ANKMY1: variants seen among roughly 807,000 people sequenced by gnomAD.
The protein encoded by ANKMY1 is ankyrin repeat and MYND domain-containing protein 1.
In ANKMY1, 98 loss-of-function variants were observed where a neutral mutation model predicts 102.0. That is an observed-to-expected ratio of 0.96 (90% confidence interval 0.82 to 1.14). The LOEUF (loss-of-function observed/expected upper bound fraction) is 1.14. Ranked by LOEUF, ANKMY1 falls within the 50% of genes most tolerant of loss-of-function variation. The pLI is 0.00. For synonymous variants in ANKMY1, 582 were observed against 559.9 expected, an observed-to-expected ratio of 1.04 and a Z score of -0.56; for missense variants, 1,330 against 1,347.6, an observed-to-expected ratio of 0.99 and a Z score of 0.20.
Position 240,511,917 on chromosome 2 carries a change from C to T in ANKMY1, c.2230G>A (p.Glu744Lys). 1 of 1,582,866 alleles carries T rather than the reference C, an allele frequency of 6.3e-7. No individual in the cohort carries two copies. Residue 744 changes from glutamate to lysine, a missense_variant, in exon 11 of 18, where the codon GAG (glutamate) becomes AAG (lysine). Physicochemically the swap from Glu to Lys is moderately conservative, Grantham distance 56. Coordinates refer to ENST00000401804, the MANE Select transcript of ANKMY1 (RefSeq NM_001282771.3). ...AYYSTDTALP[E>K]EGGRTALHMA... ...TGCAGAGCCGTCCTGCCCCCCTCCT[C>T]CGGGAGGGCTGTGTCCGTGCTGTAG...
intron 13 of ANKMY1, among the ~76,000 whole-genome samples, chr2:240,502,065 C>T (rs1300652989): frequency 1.3e-5 from 2 of 152,154 alleles, no homozygotes; most frequent in Non-Finnish European, 2.9e-5. Context: ...GGTTGGTAAG[C>T]GAGGGCTGGG....
rs2152024519 is a variant in ANKMY1, at chr2:240,499,507, C to G, written c.2806+451G>C. On this transcript the variant is annotated intron_variant, in intron 15 of 17. Transcript: ENST00000401804. The surrounding 1 kb of genome is among the most constrained non-coding windows in gnomAD (Gnocchi z 4.2). Reference sequence around the variant, plus strand: ...ATGGGGGAGTAGATGTCAGTAGGTACTGCGTTTGTGGAGTGGGTGCATGTG... The same window carrying G: ...ATGGGGGAGTAGATGTCAGTAGGTAGTGCGTTTGTGGAGTGGGTGCATGTG... Among the ~76,000 whole-genome samples the G allele has an allele frequency of 6.6e-6, 1 of 151,872 alleles. No individual in the cohort carries two copies. Among genetic ancestry groups the G allele is most frequent in the Non-Finnish European group, 1.5e-5 (1 of 67,910 alleles).
At chr2:240,513,034 G>C (rs2080541312) in intron 9 of ANKMY1, 92 bp from the exon 10 acceptor site, 3 of 1,495,046 alleles carry the variant, frequency 2.0e-6, no homozygotes, top group Non-Finnish European at 2.7e-6. Flanking sequence ...CAGGGAAATG[G>C]CTGAGACTCC....
In ANKMY1 at chr2:240,480,996, C is replaced by T. The variant is rs748282612; in HGVS notation, c.2987G>A (p.Cys996Tyr). The T allele has an allele frequency of 6.2e-6, 10 of 1,613,844 alleles. No homozygotes were observed. In the South Asian group the frequency reaches 1.1e-4, roughly 18 times the overall value. The change falls in exon 17 of 18, where the codon TGC becomes TAC. Residue 996 changes from cysteine to tyrosine, a missense_variant. Transcript: ENST00000401804. The stretch of plus-strand genomic sequence containing the variant: ...GAACTCGGTCCAGGCCTTGGTCTTG[C>T]AGTACTTGCTGCAGGTCAGGATCCC... ...CYGILTCSKYCKTKAWTEFHK... is the reference protein window; with the variant it reads ...CYGILTCSKYYKTKAWTEFHK...
At chr2:240,527,414 T>C (rs913978129) in intron 5 of ANKMY1, 2 of 7,540 alleles carry the variant, frequency 2.7e-4, no homozygotes, top group African/African-American at 4.7e-4. Context: ...GGTGGGTAGG[T>C]AGATGAATGA....
rs369672446 is a variant in ANKMY1, at chr2:240,529,547, C to T, written c.481-38G>A. 62 of 1,534,182 alleles carry T rather than the reference C, an allele frequency of 4.0e-5. No homozygotes were observed. Among genetic ancestry groups the T allele is most frequent in the East Asian group, 6.9e-5 (3 of 43,344 alleles). ...CGCAATAGACCGAGGAGAGATAACG[C>T]GACCCAGCTGCACATGTGATCATGT... On this transcript the variant is annotated intron_variant, in intron 4 of 17. Transcript: ENST00000401804. This position sits in a 1 kb window ranked among gnomAD's most constrained non-coding sequence, Gnocchi z 4.2.
chr2:240,494,055 G>A (rs1446979031), intron 15 of ANKMY1, among the ~76,000 whole-genome samples: 2 of 152,156 alleles, frequency 1.3e-5, no homozygotes, highest in African/African-American at 2.4e-5. Context: ...CTGAGGTGGT[G>A]GTAGCAGGGA....
chr2:240,524,754 C>T (rs889333844), intron 7 of ANKMY1, among the ~76,000 whole-genome samples: 9 of 152,256 alleles, frequency 5.9e-5, no homozygotes, highest in African/African-American at 1.9e-4. Flanking sequence ...ATTTTTAATA[C>T]ATTAGGCTAA....
intron 5 of ANKMY1, chr2:240,526,689 G>T (rs1055969637): frequency 1.4e-6 from 2 of 1,409,888 alleles, no homozygotes; most frequent in Non-Finnish European, 1.8e-6. Flanking sequence ...TGTCTGTCCC[G>T]ACAGGAATGT....
At position 240,557,892 on chromosome 2, in the gene ANKMY1, C is replaced by T. The variant is rs1329659939; in HGVS notation, c.-29G>A. 2 of 985,472 alleles carry T rather than the reference C, an allele frequency of 2.0e-6. No individual in the cohort carries two copies. Among genetic ancestry groups the T allele is most frequent in the Admixed American group, 1.2e-4 (2 of 16,282 alleles). 61.0% of individuals were successfully genotyped at this position (985,472 alleles called of 1,614,324 possible). A position where few individuals can be genotyped will look rare whatever the true frequency, so the allele number is the denominator to read the frequency against. ...TCGCGAGACCGCACCAAGCAAGACTCGAAGAGCTCGCGCCGGACAGCAGGG... is the reference window on the plus strand; with the variant it reads ...TCGCGAGACCGCACCAAGCAAGACTTGAAGAGCTCGCGCCGGACAGCAGGG... On this transcript the variant is annotated 5_prime_UTR_variant, in exon 1 of 18. Transcript: ENST00000401804.
chr2:240,511,949 T>TG lies in ANKMY1; in HGVS notation c.2197dup (p.Gln733ProfsTer28). 1 of 1,569,412 alleles carries TG rather than the reference T, an allele frequency of 6.4e-7. No individual in the cohort carries two copies. The highest frequency in any genetic ancestry group is 8.6e-7 in the Non-Finnish European group (1 of 1,165,680). On this transcript the variant is annotated frameshift_variant, in exon 11 of 18. Coordinates refer to ENST00000401804, the MANE Select transcript of ANKMY1 (RefSeq NM_001282771.3). LOFTEE classifies it high-confidence loss of function. ...GGCTGTGTCCGTGCTGTAGTAGGCT[T>TG]GGGGAGGGCCTGGCTCATTGCTGAG...
intron 4 of ANKMY1, among the ~76,000 whole-genome samples, chr2:240,550,321 C>G (rs1446886432): frequency 3.0e-5 from 4 of 134,410 alleles, no homozygotes; most frequent in Middle Eastern, 4.4e-3. Context: ...AACGAGAACA[C>G]ATGGACACAG....
At chr2:240,510,647 C>T (rs147312841) in intron 11 of ANKMY1, among the ~76,000 whole-genome samples, 61 of 152,240 alleles carry the variant, frequency 4.0e-4, no homozygotes, top group Non-Finnish European at 5.9e-4. Context: ...TCTTGCTGGC[C>T]AGGCCAAGGA....
rs532111434 is a variant in ANKMY1 at position 240,506,651 on chromosome 2, A to AC, written c.2526+908dup. Among the ~76,000 whole-genome samples, 5 of 133,096 alleles carry AC rather than the reference A, an allele frequency of 3.8e-5. No individual in the cohort carries two copies. Among genetic ancestry groups the AC allele is most frequent in the African/African-American group, 1.4e-4 (5 of 34,780 alleles). The allele number at this position is 133,096 out of a possible 152,430, so 87.3% of individuals were successfully genotyped here. A position where few individuals can be genotyped will look rare whatever the true frequency, so the allele number is the denominator to read the frequency against. Reference sequence around the variant, plus strand: ...CCCCCATTCCAGACGCCTGAGTCTCACCCCCCTCCTCCTTCCCCCTTTTTC... The same window carrying AC: ...CCCCCATTCCAGACGCCTGAGTCTCACCCCCCCTCCTCCTTCCCCCTTTTTC... On this transcript the variant is annotated intron_variant, in intron 13 of 17. Coordinates refer to ENST00000401804, the MANE Select transcript of ANKMY1 (RefSeq NM_001282771.3). This position sits in a 1 kb window ranked among gnomAD's most constrained non-coding sequence, Gnocchi z 4.9.
chr2:240,500,387 CCAGCCGGGGGCCCTG>C, intron 14 of ANKMY1, 50 bp downstream of exon 14: 1 of 1,496,372 alleles, frequency 6.7e-7, no homozygotes, highest in Non-Finnish European at 9.2e-7. Context: ...AGCTAATGCC[CCAGCCGGGGGCCCTG>C]CACGTGACCC....
At chr2:240,560,602 T>C, upstream of ANKMY1, 1 of 1,330,490 alleles carries the variant, frequency 7.5e-7, no homozygotes, top group East Asian at 3.1e-5. Context: ...CCCGCCCGGC[T>C]CCCACAAATA....
Position 240,553,062 on chromosome 2 carries a change from G to A in ANKMY1, c.337-5C>T. The A allele has an allele frequency of 6.2e-7, 1 of 1,611,634 alleles. No homozygotes were observed. The highest frequency in any genetic ancestry group is 1.7e-5 in the Admixed American group (1 of 59,920). Reference sequence around the variant, plus strand: ...GTAAAACTGCCCATGGTATGACTGTGAGATGGAGAAGTTGGTGAGAAATTG... The same window carrying A: ...GTAAAACTGCCCATGGTATGACTGTAAGATGGAGAAGTTGGTGAGAAATTG... On this transcript the variant is annotated splice_polypyrimidine_tract_variant and splice_region_variant and intron_variant, in intron 3 of 17. Coordinates refer to ENST00000401804, the MANE Select transcript of ANKMY1 (RefSeq NM_001282771.3).
chr2:240,532,370 C>T (rs905012434), intron 4 of ANKMY1, among the ~76,000 whole-genome samples: 4 of 152,180 alleles, frequency 2.6e-5, no homozygotes, highest in Non-Finnish European at 5.9e-5. Flanking sequence ...CAAGCAAAAA[C>T]TGACAGAATA....
In ANKMY1 at chr2:240,500,111, C is replaced by T. The variant is rs1229125088; in HGVS notation, c.2653G>A (p.Ala885Thr). 4 of 1,603,862 alleles carry T rather than the reference C, an allele frequency of 2.5e-6. No homozygotes were observed. Among genetic ancestry groups the T allele is most frequent in the Non-Finnish European group, 3.4e-6 (4 of 1,175,634 alleles). The change falls in exon 15 of 18, where the codon GCC (alanine) becomes ACC (threonine). Residue 885 changes from alanine (A) to threonine (T), a missense_variant. Transcript: ENST00000401804. Reference sequence around the variant, plus strand: ...ATCAGCGTGTGGAAGGGGCAGCGGGCAATCCTCCGGTCCTGCGGCACAGCA... The same window carrying T: ...ATCAGCGTGTGGAAGGGGCAGCGGGTAATCCTCCGGTCCTGCGGCACAGCA... ...YFRFFQDRRI[A>T]RCPFHTLMPA...
Sources: allele counts gnomAD v4.1 joint callset (sites outside exome capture counted in the v4.1 genomes callset), GRCh38; gene constraint gnomAD v4.1.1; non-coding constraint Gnocchi (gnomAD v3.1); transcripts MANE v1.5; gene names NCBI Gene and HGNC (gene_info 2026-07-23, HGNC 2026-07-21).